Variants in KIAA1210 observed in about 807,000 individuals in gnomAD.
The protein encoded by KIAA1210 is acrosomal protein KIAA1210.
A neutral mutation model predicts 78.9 loss-of-function variants in KIAA1210; 48 were observed. The observed-to-expected ratio is 0.61, with a 90% CI of 0.48 to 0.77. The LOEUF is 0.77. Among genes scored for constraint, KIAA1210 ranks in the 30% least tolerant of loss-of-function variants. KIAA1210 has a pLI of 0.00. For synonymous variants in KIAA1210, 406 were observed against 404.5 expected, an observed-to-expected ratio of 1.00 and a Z score of -0.04; for missense variants, 1,108 against 1,100.0, an observed-to-expected ratio of 1.01 and a Z score of -0.10.
intron 1 of KIAA1210, chrX:119,147,690 G>T: frequency 3.3e-6 from 3 of 917,415 alleles, no homozygotes; most frequent in Non-Finnish European, 4.6e-6. Context: ...CCACAAGATG[G>T]CAATGTGTTA....
intron 1 of KIAA1210, among the ~76,000 whole-genome samples, chrX:119,125,320 A>G (rs1403860123): frequency 9.0e-6 from 1 of 110,815 alleles, no homozygotes; most frequent in African/African-American, 3.3e-5. Context: ...AAATGCACAT[A>G]CCTTTTGATC....
Position 119,080,961 on chromosome X carries a change from A to G in KIAA1210, c.*368T>C, listed in dbSNP as rs112292937. 1.3e-3 allele frequency: 157 copies of G among 121,872 alleles called. No homozygotes were observed. Among genetic ancestry groups the G allele is most frequent in the African/African-American group, 4.7e-3 (147 of 31,460 alleles). The allele number at this position is 121,872 out of a possible 1,213,427, so 10.0% of individuals were successfully genotyped here. A position where few individuals can be genotyped will look rare whatever the true frequency, so the allele number is the denominator to read the frequency against. On this transcript the variant is annotated 3_prime_UTR_variant, in exon 12 of 12. Transcript: ENST00000691062. The stretch of plus-strand genomic sequence containing the variant: ...AGAATTAATACAGCTATTAGCAATT[A>G]TCATTTAAAACGCTGATGCTTGGCC...
chrX:119,132,980 G>A (rs1320125182), intron 2 of KIAA1210, among the ~76,000 whole-genome samples: 1 of 110,887 alleles, frequency 9.0e-6, no homozygotes, highest in Non-Finnish European at 1.9e-5. Flanking sequence ...AAGAGTATGT[G>A]CATCCACCAA....
chrX:119,103,427 A>T (rs1479370980), intron 6 of KIAA1210, among the ~76,000 whole-genome samples: 1 of 112,077 alleles, frequency 8.9e-6, no homozygotes, highest in Non-Finnish European at 1.9e-5. Context: ...TAATTTTTTT[A>T]AAACAGGAAC....
chrX:119,084,279 C>T (rs1286363768), intron 10 of KIAA1210, among the ~76,000 whole-genome samples: 2 of 110,719 alleles, frequency 1.8e-5, no homozygotes, highest in Non-Finnish European at 3.8e-5. Context: ...ATCTCTTATC[C>T]ACATGTGGTA....
At chrX:119,099,754 G>A (rs910931473) in intron 6 of KIAA1210, among the ~76,000 whole-genome samples, 5 of 111,769 alleles carry the variant, frequency 4.5e-5, no homozygotes, top group African/African-American at 6.5e-5. Flanking sequence ...AGCACATTTC[G>A]GGGACATATC....
chrX:119,081,338 G>A lies in KIAA1210; in HGVS notation c.4593C>T (p.Ile1531=), dbSNP rs774187183. 8.4e-7 allele frequency: 1 copy of A among 1,189,802 alleles called. No homozygotes were observed. Among genetic ancestry groups the A allele is most frequent in the East Asian group, 3.0e-5 (1 of 33,169 alleles). Reference sequence around the variant, plus strand: ...TCCACACAAGAGCTCTTTATTGCGTGATTTCTGCCATGTGGCTCCATGCTT... The same window carrying A: ...TCCACACAAGAGCTCTTTATTGCGTAATTTCTGCCATGTGGCTCCATGCTT... The part of the protein sequence containing the change: ...KAKAWSHMAE[I]TQ The change falls in exon 12 of 12, where the codon ATC becomes ATT. Residue 1531 remains isoleucine, a synonymous_variant. Transcript: ENST00000691062.
intron 2 of KIAA1210, among the ~76,000 whole-genome samples, chrX:119,144,209 C>A (rs1029084803): frequency 2.7e-5 from 3 of 112,369 alleles, no homozygotes; most frequent in African/African-American, 9.7e-5. Context: ...TAAAATGGTG[C>A]CTGGGCTGTC....
At chrX:119,131,350 G>A (rs762275446), upstream of KIAA1210, among the ~76,000 whole-genome samples, 5 of 111,279 alleles carry the variant, frequency 4.5e-5, no homozygotes, top group Admixed American at 9.6e-5. Flanking sequence ...CATTGCGTGC[G>A]CATGGACATA....
At chrX:119,092,051 C>A (rs1190960253) in intron 8 of KIAA1210, among the ~76,000 whole-genome samples, 3 of 112,024 alleles carry the variant, frequency 2.7e-5, no homozygotes, top group African/African-American at 9.7e-5. Context: ...TACAATCCAT[C>A]TGTGTAACCA....
At chrX:119,149,433 C>A (rs1260801544) in intron 1 of KIAA1210, among the ~76,000 whole-genome samples, 1 of 110,861 alleles carries the variant, frequency 9.0e-6, no homozygotes, top group African/African-American at 3.3e-5. Context: ...AGCTTTGTGC[C>A]GAATTGTCAG....
At chrX:119,086,499 G>A (rs181833181) in intron 9 of KIAA1210, 47 bp downstream of exon 9, 1 of 1,085,991 alleles carries the variant, frequency 9.2e-7, no homozygotes, top group East Asian at 3.0e-5. Context: ...CTTTCCAGTT[G>A]TTTCCACTTG....
At chrX:119,150,680 C>T, upstream of KIAA1210, 2 of 894,667 alleles carry the variant, frequency 2.2e-6, no homozygotes, top group Non-Finnish European at 3.1e-6. Context: ...CACTCACACG[C>T]ACACGCACAC....
intron 2 of KIAA1210, among the ~76,000 whole-genome samples, chrX:119,138,077 A>G (rs911973693): frequency 9.0e-6 from 1 of 110,994 alleles, no homozygotes; most frequent in Non-Finnish European, 1.9e-5. Flanking sequence ...CCGTCAAGCT[A>G]CAGAAGGGAC....
At chrX:119,135,733 A>C (rs1282463886) in intron 2 of KIAA1210, among the ~76,000 whole-genome samples, 3 of 111,950 alleles carry the variant, frequency 2.7e-5, no homozygotes, top group African/African-American at 9.7e-5. Flanking sequence ...GGAGGAGGTA[A>C]AAATCTCCAA....
At chrX:119,150,507 G>A in exon 1 of KIAA1210, 1 of 1,211,209 alleles carries the variant, frequency 8.3e-7, no homozygotes, top group Non-Finnish European at 1.1e-6. Flanking sequence ...AGGTGAGCCA[G>A]GTAGGGGTGC....
intron 10 of KIAA1210, among the ~76,000 whole-genome samples, chrX:119,084,893 C>T (rs1292284772): frequency 8.9e-6 from 1 of 111,991 alleles, no homozygotes; most frequent in Non-Finnish European, 1.9e-5. Context: ...CCCGCACACA[C>T]ACTTTTGAGA....
chrX:119,126,987 T>C lies in KIAA1210; in HGVS notation c.-11+740A>G, dbSNP rs150206129. Among the ~76,000 whole-genome samples, 320 of 110,191 alleles carry C rather than the reference T, an allele frequency of 2.9e-3. 3 individuals carry two copies. Among genetic ancestry groups the C allele is most frequent in the African/African-American group, 0.01 (303 of 30,224 alleles). ...TACTCAGGAAGCTGAGGTGAGAGGA[T>C]CACTTGAGCCTGGGAGGTCGAGGGT... On this transcript the variant is annotated intron_variant, in intron 1 of 11. Coordinates refer to ENST00000691062, the MANE Select transcript of KIAA1210 (RefSeq NM_001394962.1).
At chrX:119,101,050 T>C (rs1454287638) in intron 6 of KIAA1210, among the ~76,000 whole-genome samples, 1 of 112,211 alleles carries the variant, frequency 8.9e-6, no homozygotes, top group African/African-American at 3.2e-5. Context: ...TCTTCAGCAC[T>C]GGTTAGTAGA....
Sources: gnomAD v4.1 joint callset for allele counts (sites outside exome capture counted in the v4.1 genomes callset) on GRCh38, gnomAD v4.1.1 for gene constraint, MANE v1.5 for transcripts, NCBI Gene and HGNC (gene_info 2026-07-23, HGNC 2026-07-21) for gene names.